AFF3: variants seen among roughly 807,000 people sequenced by gnomAD.
AFF3 encodes the protein AF4/FMR2 family member 3.
In AFF3, 32 loss-of-function variants were observed where a neutral mutation model predicts 129.7. The observed-to-expected ratio is 0.25, with a 90% confidence interval of 0.19 to 0.33. The LOEUF (loss-of-function observed/expected upper bound fraction) is 0.33, where lower values mean the gene tolerates loss of function less well. AFF3 is among the 10% of genes least tolerant of loss of function. The pLI is 1.00. For synonymous variants in AFF3, 644 were observed against 635.4 expected (o/e 1.01, Z -0.20); for missense variants, 1,373 against 1,592.0 (o/e 0.86, Z 2.34).
chr2:99,845,676 T>C (rs1188328295), intron 7 of AFF3, among the ~76,000 whole-genome samples: 1 of 152,154 alleles, frequency 6.6e-6, no homozygotes, highest in Non-Finnish European at 1.5e-5. Flanking sequence ...CCCTACGTCG[T>C]TAATTTTACC....
intron 7 of AFF3, among the ~76,000 whole-genome samples, chr2:99,925,297 G>C (rs1351576134): frequency 6.6e-6 from 1 of 151,810 alleles, no homozygotes; most frequent in East Asian, 1.9e-4. Flanking sequence ...ATTTATGTCA[G>C]GCTTGACATG....
intron 15 of AFF3, among the ~76,000 whole-genome samples, chr2:99,591,683 T>C (rs1678695774): frequency 1.3e-5 from 2 of 152,214 alleles, no homozygotes. Flanking sequence ...GTGAAACGTA[T>C]GTGTCCAGTC....
At chr2:99,686,667 T>A (rs1675093596) in intron 11 of AFF3, among the ~76,000 whole-genome samples, 1 of 152,238 alleles carries the variant, frequency 6.6e-6, no homozygotes, top group African/African-American at 2.4e-5. Flanking sequence ...GGGAGTGACA[T>A]TAATGGTAGA....
At chr2:100,077,145 G>C (rs1478592430) in intron 4 of AFF3, among the ~76,000 whole-genome samples, 1 of 152,020 alleles carries the variant, frequency 6.6e-6, no homozygotes, top group Non-Finnish European at 1.5e-5. Flanking sequence ...GCTACTCAGG[G>C]GGCCATGGCA....
chr2:100,109,219 A>G (rs1691431054), intron 2 of AFF3, among the ~76,000 whole-genome samples: 1 of 145,240 alleles, frequency 6.9e-6, no homozygotes, highest in Admixed American at 7.0e-5. Context: ...AACACTGCTT[A>G]GAGAATTAAA....
Position 99,593,251 on chromosome 2 carries a change from G to A in AFF3, c.2410C>T (p.His804Tyr). ...TTTTCTGCAGGTGTGTCCGAGGTGTGGCTGGGCGGTGCGCTCTCAGAGTCC... is the reference window on the plus strand; with the variant it reads ...TTTTCTGCAGGTGTGTCCGAGGTGTAGCTGGGCGGTGCGCTCTCAGAGTCC... ...TKDSESAPPS[H>Y]TSDTPAEKAL... Residue 804 changes from histidine (H) to tyrosine (Y), a missense_variant, in exon 15 of 25, where the codon CAC becomes TAC. His to Tyr is a moderately conservative substitution (Grantham distance 83, BLOSUM62 2). This residue lies in a region of AFF3 where 466 missense variants were observed against 505.0 expected (regional missense o/e 0.92). Transcript: ENST00000672756. The A allele has an allele frequency of 6.2e-7, 1 of 1,611,598 alleles. No individual in the cohort carries two copies. The highest frequency in any genetic ancestry group is 8.5e-7 in the Non-Finnish European group (1 of 1,178,216).
intron 8 of AFF3, among the ~76,000 whole-genome samples, chr2:99,764,211 A>G (rs1165836649): frequency 6.6e-6 from 1 of 152,124 alleles, no homozygotes; most frequent in African/African-American, 2.4e-5. Flanking sequence ...CTTCCTTTGC[A>G]TCATCAAAAG....
chr2:100,103,037 G>A (rs1300589984), intron 4 of AFF3, among the ~76,000 whole-genome samples: 1 of 151,070 alleles, frequency 6.6e-6, no homozygotes, highest in Non-Finnish European at 1.5e-5. Context: ...GTGTTTTACA[G>A]GCACCAACAT....
At chr2:99,707,368 T>TCA (rs980499031) in intron 11 of AFF3, 10 of 985,204 alleles carry the variant, frequency 1.0e-5, no homozygotes, top group African/African-American at 1.7e-5. Context: ...AAAGCCATCT[T>TCA]CATGCTTCAT....
At chr2:99,713,097 TATTGTTTAATGGG>T (rs1211100700) in intron 11 of AFF3, among the ~76,000 whole-genome samples, 1 of 152,102 alleles carries the variant, frequency 6.6e-6, no homozygotes, top group Non-Finnish European at 1.5e-5. Context: ...AACAGGGAGT[TATTGTTTAATGGG>T]CACAGAGTTT....
chr2:100,105,741 G>C (rs1050194216), intron 2 of AFF3, 158 bp from the exon 3 acceptor site: 1 of 1,363,034 alleles, frequency 7.3e-7, no homozygotes, highest in African/African-American at 1.5e-5. Flanking sequence ...AGTTGGCCTA[G>C]AACCGGAAGC....
chr2:99,654,718 C>T (rs190252070), intron 12 of AFF3, among the ~76,000 whole-genome samples: 42 of 152,238 alleles, frequency 2.8e-4, no homozygotes, highest in Middle Eastern at 3.4e-3. Context: ...TTATTCATTA[C>T]GAATGATTCT....
chr2:99,559,516 A>G (rs927123282), intron 21 of AFF3, among the ~76,000 whole-genome samples: 1 of 152,252 alleles, frequency 6.6e-6, no homozygotes, highest in African/African-American at 2.4e-5. Flanking sequence ...ATTATTTCCT[A>G]TAATATTTTG....
chr2:99,810,324 C>T (rs1686689526), intron 8 of AFF3, among the ~76,000 whole-genome samples: 1 of 152,354 alleles, frequency 6.6e-6, no homozygotes, highest in Non-Finnish European at 1.5e-5. Context: ...CCTTGTCTTA[C>T]CTGGCCGCTT....
intron 2 of AFF3, chr2:100,106,729 C>A: frequency 1.0e-6 from 1 of 986,000 alleles, no homozygotes; most frequent in Admixed American, 6.1e-5. Flanking sequence ...CCTTCCCTTC[C>A]CACCACATCT....
At chr2:99,760,416 G>A (rs1682476674) in intron 8 of AFF3, among the ~76,000 whole-genome samples, 1 of 152,136 alleles carries the variant, frequency 6.6e-6, no homozygotes. Flanking sequence ...TAGTCAGTGG[G>A]ATAATACGAT....
chr2:100,078,041 G>A (rs1251712665), intron 4 of AFF3, among the ~76,000 whole-genome samples: 2 of 152,094 alleles, frequency 1.3e-5, no homozygotes, highest in African/African-American at 4.8e-5. Context: ...CAGTTCCCTT[G>A]GCAAATTTTC....
chr2:99,939,720 G>A (rs1674854776), intron 7 of AFF3, among the ~76,000 whole-genome samples: 1 of 152,190 alleles, frequency 6.6e-6, no homozygotes, highest in African/African-American at 2.4e-5. Context: ...GAAGCTTCCT[G>A]AAGCATCTGA....
chr2:99,797,815 T>C (rs1006423744), intron 8 of AFF3, among the ~76,000 whole-genome samples: 3 of 151,992 alleles, frequency 2.0e-5, no homozygotes, highest in Non-Finnish European at 2.9e-5. Flanking sequence ...GACAAAAATA[T>C]TTGTCAAAAA....
Sources: gnomAD v4.1 joint callset for allele counts (sites outside exome capture counted in the v4.1 genomes callset) on GRCh38, gnomAD v4.1.1 for gene constraint, gnomAD v4.1.1 regional missense constraint, MANE v1.5 for transcripts, NCBI Gene and HGNC (gene_info 2026-07-23, HGNC 2026-07-21) for gene names.